Variants in TTF2 observed in about 807,000 individuals in gnomAD.
TTF2 encodes RNA polymerase II termination factor.
A neutral mutation model predicts 142.4 loss-of-function variants in TTF2; 108 were observed. That is an observed-to-expected ratio of 0.76 (90% CI 0.65 to 0.89). TTF2 has a LOEUF of 0.89. Ranked by LOEUF, TTF2 falls within the 40% of genes least tolerant of loss-of-function variation. The pLI is 0.00. For synonymous variants in TTF2, 483 were observed against 506.2 expected, an observed-to-expected ratio of 0.95 and a Z score of 0.61; for missense variants, 1,327 against 1,379.8, an observed-to-expected ratio of 0.96 and a Z score of 0.61.
At position 117,075,305 on chromosome 1, in the gene TTF2, A is replaced by G. The variant is rs1656900645; in HGVS notation, c.721A>G (p.Ser241Gly). The change falls in exon 5 of 23, where the codon AGT becomes GGT. Residue 241 changes from serine (S) to glycine (G), a missense_variant. By Grantham distance (56) the Ser-to-Gly change is moderately conservative. Coordinates refer to ENST00000369466, the MANE Select transcript of TTF2 (RefSeq NM_003594.4). The surrounding 1 kb of genome is among the most constrained non-coding windows in gnomAD (Gnocchi z 4.5). ...RPSASSQEKS[S>G]GKSQDVQRES... is the part of the protein sequence containing the mutation. ...ATCTGCATCTTCTCAGGAGAAATCA[A>G]GTGGTAAGAGTCAAGATGTCCAAAG... 1 of 1,614,224 alleles carries G rather than the reference A, an allele frequency of 6.2e-7. No individual in the cohort carries two copies. The highest frequency in any genetic ancestry group is 1.1e-5 in the South Asian group (1 of 91,082).
At position 117,076,412 on chromosome 1, in the gene TTF2, T is replaced by G; in HGVS notation, c.1390+118T>G. ...TCACTTTTCCATTTTATTATCTGCT[T>G]CTGAGACTTCTTTCACATTACACCT... On this transcript the variant is annotated intron_variant, in intron 6 of 22. Transcript: ENST00000369466. The surrounding 1 kb of genome is among the most constrained non-coding windows in gnomAD (Gnocchi z 4.6). 1 of 943,504 alleles carries G rather than the reference T, an allele frequency of 1.1e-6. No homozygotes were observed. The highest frequency in any genetic ancestry group is 1.7e-5 in the African/African-American group (1 of 60,030). The allele number at this position is 943,504 out of a possible 1,614,324, so 58.4% of individuals were successfully genotyped here.
chr1:117,101,567 G>A lies in TTF2; in HGVS notation c.*43G>A. ...CTCAGAATAGCACCATTGCTGGTTT[G>A]TATTAGGATCTGGGAATAACAACCT... On this transcript the variant is annotated 3_prime_UTR_variant, in exon 23 of 23. Coordinates refer to ENST00000369466, the MANE Select transcript of TTF2 (RefSeq NM_003594.4). The surrounding 1 kb of genome is among the most constrained non-coding windows in gnomAD (Gnocchi z 5.9). 1 of 1,503,494 alleles carries A rather than the reference G, an allele frequency of 6.7e-7. No homozygotes were observed. The highest frequency in any genetic ancestry group is 8.8e-7 in the Non-Finnish European group (1 of 1,131,250). The allele number at this position is 1,503,494 out of a possible 1,614,324, so 93.1% of individuals were successfully genotyped here. A position where few individuals can be genotyped will look rare whatever the true frequency, so the allele number is the denominator to read the frequency against.
Position 117,093,866 on chromosome 1 carries a change from C to T in TTF2, c.2976+965C>T, listed in dbSNP as rs967064535. Among the ~76,000 whole-genome samples the T allele has an allele frequency of 5.3e-5, 8 of 152,128 alleles. No homozygotes were observed. The highest frequency in any genetic ancestry group is 1.3e-4 in the Admixed American group (2 of 15,276). ...GTCCATTAATAGTTCAAACCACATA[C>T]GGTTGTTTCAAGTAGGGAAGGAGGC... On this transcript the variant is annotated intron_variant, in intron 18 of 22. Transcript: ENST00000369466. The surrounding 1 kb of genome is among the most constrained non-coding windows in gnomAD (Gnocchi z 4.5).
rs1325887454 is a variant in TTF2, at chr1:117,086,598, G to C, written c.2160+76G>C. The C allele has an allele frequency of 2.9e-6, 3 of 1,043,008 alleles. No individual in the cohort carries two copies. In the Admixed American group the frequency reaches 5.8e-5, roughly 20 times the overall value. The allele number at this position is 1,043,008 out of a possible 1,614,324, so 64.6% of individuals were successfully genotyped here. The stretch of plus-strand genomic sequence containing the variant: ...AATGGGAGTCTTTCTCAGCCTCCAC[G>C]ATAGCAAGAGGACCTCCCTGGAGGT... On this transcript the variant is annotated intron_variant, in intron 12 of 22. Coordinates refer to ENST00000369466, the MANE Select transcript of TTF2 (RefSeq NM_003594.4). This position sits in a 1 kb window ranked among gnomAD's most constrained non-coding sequence, Gnocchi z 4.2.
intron 13 of TTF2, 102 bp from the exon 14 acceptor site, chr1:117,089,953 C>T (rs1179872463): frequency 2.9e-6 from 4 of 1,358,292 alleles, no homozygotes; most frequent in Non-Finnish European, 4.0e-6. Flanking sequence ...ACAGGTGTAA[C>T]AGAAAATCTG....
intron 16 of TTF2, 24 bp downstream of exon 16, chr1:117,091,434 T>C: frequency 6.3e-7 from 1 of 1,579,868 alleles, no homozygotes; most frequent in Non-Finnish European, 8.6e-7. Context: ...CTCTCATAAA[T>C]ACATATGACT....
Position 117,081,864 on chromosome 1 carries a change from T to C in TTF2, c.1820T>C (p.Ile607Thr). 8.7e-6 allele frequency: 14 copies of C among 1,614,142 alleles called. No individual in the cohort carries two copies. Among genetic ancestry groups the C allele is most frequent in the Non-Finnish European group, 1.2e-5 (14 of 1,180,014 alleles). ...DMGLGKTLTM[I>T]ALILTQKNQE... ...GGCTTAGGAAAAACCCTGACAATGA[T>C]TGCGCTCATCCTGACCCAGAAGAAT... is the stretch of plus-strand genomic sequence containing the variant. Residue 607 changes from isoleucine to threonine, a missense_variant, in exon 10 of 23, where the codon ATT (isoleucine) becomes ACT (threonine). Coordinates refer to ENST00000369466, the MANE Select transcript of TTF2 (RefSeq NM_003594.4).
intron 3 of TTF2, among the ~76,000 whole-genome samples, chr1:117,065,374 G>A (rs12031534): frequency 0.18 from 27,707 of 152,094 alleles, 2,920 homozygotes; most frequent in Middle Eastern, 0.25. Flanking sequence ...CAAGGCGGGC[G>A]GATCACGAGG....
rs546500165 is a variant in TTF2, at chr1:117,097,597, C to T, written c.3269+164C>T. Reference sequence around the variant, plus strand: ...ATACAGATCTAAGCAGGGTATAGGGCTAGCTGACTCCCCTGAATTCCTGAG... The same window carrying T: ...ATACAGATCTAAGCAGGGTATAGGGTTAGCTGACTCCCCTGAATTCCTGAG... On this transcript the variant is annotated intron_variant, in intron 21 of 22. Coordinates refer to ENST00000369466, the MANE Select transcript of TTF2 (RefSeq NM_003594.4). This position sits in a 1 kb window ranked among gnomAD's most constrained non-coding sequence, Gnocchi z 4.1. Among the ~76,000 whole-genome samples the T allele has an allele frequency of 1.2e-4, 19 of 152,306 alleles. No individual in the cohort carries two copies. The highest frequency in any genetic ancestry group is 4.6e-4 in the African/African-American group (19 of 41,562).
At chr1:117,096,362 T>C (rs558749240) in intron 20 of TTF2, 63 bp downstream of exon 20, 121 of 1,558,842 alleles carry the variant, frequency 7.8e-5, no homozygotes, top group African/African-American at 6.9e-5. Flanking sequence ...AGAGAATTCT[T>C]TTTGTTTGGT....
chr1:117,092,767 G>C lies in TTF2; in HGVS notation c.2842G>C (p.Val948Leu). The part of the protein sequence containing the change: ...DPMELKGEGL[V>L]LSLEEQLSAL... ...AATGGAACTGAAGGGTGAAGGTCTT[G>C]TCCTTTCCCTGGAAGAACAGCTCAG... The change falls in exon 18 of 23, where the codon GTC becomes CTC. Residue 948 changes from valine to leucine, a missense_variant. Transcript: ENST00000369466. The surrounding 1 kb of genome is among the most constrained non-coding windows in gnomAD (Gnocchi z 4.4). 1 of 1,614,170 alleles carries C rather than the reference G, an allele frequency of 6.2e-7. No homozygotes were observed. Among genetic ancestry groups the C allele is most frequent in the South Asian group, 1.1e-5 (1 of 91,080 alleles).
rs555813813 is a variant in TTF2, at chr1:117,096,446, T to TG, written c.3186+149dup. 9.8e-4 allele frequency: 989 copies of TG among 1,006,880 alleles called. 3 individuals carry two copies. The highest frequency in any genetic ancestry group is 8.7e-3 in the Middle Eastern group (27 of 3,096). 62.4% of individuals were successfully genotyped at this position (1,006,880 alleles called of 1,614,324 possible). A position where few individuals can be genotyped will look rare whatever the true frequency, so the allele number is the denominator to read the frequency against. On this transcript the variant is annotated intron_variant, in intron 20 of 22. Transcript: ENST00000369466. ...AGGCTGGACTGCAATAGTGCTATCT[T>TG]GGCTCACCGCAACCTCCGCCTCCCG...
intron 2 of TTF2, 47 bp from the exon 3 acceptor site, chr1:117,062,338 ATC>A: frequency 6.4e-7 from 1 of 1,558,370 alleles, no homozygotes; most frequent in Non-Finnish European, 8.8e-7. Context: ...TAGGATATTG[ATC>A]TCTGTTCCTG....
chr1:117,075,717 T>C lies in TTF2; in HGVS notation c.1133T>C (p.Leu378Ser), dbSNP rs756678496. 62 of 1,614,178 alleles carry C rather than the reference T, an allele frequency of 3.8e-5. No individual in the cohort carries two copies. Among genetic ancestry groups the C allele is most frequent in the Non-Finnish European group, 5.1e-5 (60 of 1,180,034 alleles). The change falls in exon 5 of 23, where the codon TTA (leucine) becomes TCA (serine). Residue 378 changes from leucine to serine, a missense_variant. Transcript: ENST00000369466. The surrounding 1 kb of genome is among the most constrained non-coding windows in gnomAD (Gnocchi z 4.5). ...CTACTCTTTGACTCGACTCTGGACT[T>C]AGAGACGAAGGAAAACCTCCAATTC... ...SPLLFDSTLD[L>S]ETKENLQFPD...
Position 117,092,966 on chromosome 1 carries a change from A to T in TTF2, c.2976+65A>T. On this transcript the variant is annotated intron_variant, in intron 18 of 22. Coordinates refer to ENST00000369466, the MANE Select transcript of TTF2 (RefSeq NM_003594.4). This position sits in a 1 kb window ranked among gnomAD's most constrained non-coding sequence, Gnocchi z 4.4. ...TTCCTCACACATTTTCCTGTGTGAC[A>T]GCACTTCATTTGTCCAAGTGGGAAC... 6.4e-7 allele frequency: 1 copy of T among 1,574,306 alleles called. No individual in the cohort carries two copies. The highest frequency in any genetic ancestry group is 8.7e-7 in the Non-Finnish European group (1 of 1,151,830).
chr1:117,092,152 T>G lies in TTF2; in HGVS notation c.2805+202T>G, dbSNP rs1045351532. Among the ~76,000 whole-genome samples, 7 of 152,236 alleles carry G rather than the reference T, an allele frequency of 4.6e-5. No individual in the cohort carries two copies. Among genetic ancestry groups the G allele is most frequent in the African/African-American group, 1.7e-4 (7 of 41,466 alleles). ...ATTTCATATTAATCTTGATAATTCC[T>G]ATGGCATCAAGAATAGTGTATTTCT... On this transcript the variant is annotated intron_variant, in intron 17 of 22. Transcript: ENST00000369466. This position sits in a 1 kb window ranked among gnomAD's most constrained non-coding sequence, Gnocchi z 4.4.
intron 12 of TTF2, among the ~76,000 whole-genome samples, chr1:117,088,437 T>C (rs1295400543): frequency 1.3e-5 from 2 of 152,000 alleles, no homozygotes; most frequent in African/African-American, 4.8e-5. Context: ...CTCGGGAGGC[T>C]GAGGCAGGAG....
rs192379208 is a variant in TTF2, at chr1:117,061,381, A to G, written c.131+824A>G. Among the ~76,000 whole-genome samples, 22 of 152,370 alleles carry G rather than the reference A, an allele frequency of 1.4e-4. No individual in the cohort carries two copies. The East Asian group carries it at 4.2e-3, about 29-fold the overall frequency. On this transcript the variant is annotated intron_variant, in intron 2 of 22. Coordinates refer to ENST00000369466, the MANE Select transcript of TTF2 (RefSeq NM_003594.4). Reference sequence around the variant, plus strand: ...TGTCAAGTGTTAATGTTTTCACAGTACCAAGTGTCTACATTTTCTATGTGA... The same window carrying G: ...TGTCAAGTGTTAATGTTTTCACAGTGCCAAGTGTCTACATTTTCTATGTGA...
At chr1:117,067,598 A>G (rs575647672) in intron 3 of TTF2, among the ~76,000 whole-genome samples, 2 of 152,116 alleles carry the variant, frequency 1.3e-5, no homozygotes, top group East Asian at 1.9e-4. Flanking sequence ...CACACAACAC[A>G]TTAAAAAACA....
Sources: allele counts gnomAD v4.1 joint callset (sites outside exome capture counted in the v4.1 genomes callset), GRCh38; gene constraint gnomAD v4.1.1; non-coding constraint Gnocchi (gnomAD v3.1); transcripts MANE v1.5; gene names NCBI Gene and HGNC (gene_info 2026-07-23, HGNC 2026-07-21).